Variants in ACBD6 observed in about 807,000 individuals in gnomAD.
ACBD6 encodes the protein acyl-CoA-binding domain-containing protein 6.
In ACBD6, 28 loss-of-function variants were observed where a neutral mutation model predicts 37.2. The observed-to-expected ratio is 0.75, with a 90% confidence interval of 0.56 to 1.03. The LOEUF (loss-of-function observed/expected upper bound fraction) is 1.03. Among genes scored for constraint, ACBD6 ranks in the 50% least tolerant of loss-of-function variants. The probability of loss-of-function intolerance (pLI) is 0.00; values close to 1 mark genes in which losing one functional copy is unlikely to be tolerated. For synonymous variants in ACBD6, 113 were observed against 126.8 expected, an observed-to-expected ratio of 0.89 and a Z score of 0.73; for missense variants, 340 against 337.4, an observed-to-expected ratio of 1.01 and a Z score of -0.06.
intron 3 of ACBD6, among the ~76,000 whole-genome samples, chr1:180,443,952 T>C (rs948818269): frequency 1.3e-5 from 2 of 152,050 alleles, no homozygotes; most frequent in Admixed American, 6.5e-5. Flanking sequence ...TTTACACTAC[T>C]TATAATACAA....
At chr1:180,487,290 T>C (rs59371134) in intron 3 of ACBD6, among the ~76,000 whole-genome samples, 15,129 of 152,148 alleles carry the variant, frequency 0.099, 1,057 homozygotes, top group African/African-American at 0.18. Context: ...CTTTCCACCA[T>C]TGCAGTTACC....
chr1:180,297,259 G>A (rs1026056157), intron 7 of ACBD6, among the ~76,000 whole-genome samples: 2 of 152,148 alleles, frequency 1.3e-5, no homozygotes, highest in African/African-American at 4.8e-5. Context: ...AAACCAGGTT[G>A]TGATAGGTAC....
chr1:180,386,555 CA>C (rs1172272428), intron 6 of ACBD6, among the ~76,000 whole-genome samples: 1 of 151,980 alleles, frequency 6.6e-6, no homozygotes, highest in East Asian at 1.9e-4. Context: ...ACTCTGATGA[CA>C]AAAAAAGTTA....
intron 6 of ACBD6, among the ~76,000 whole-genome samples, chr1:180,382,129 A>C (rs1442590857): frequency 6.8e-6 from 1 of 147,466 alleles, no homozygotes; most frequent in African/African-American, 2.5e-5. Context: ...AAAAAAAAAA[A>C]GAAAAGAAAA....
At chr1:180,393,998 G>A (rs900247392) in intron 6 of ACBD6, among the ~76,000 whole-genome samples, 3 of 152,186 alleles carry the variant, frequency 2.0e-5, no homozygotes, top group Non-Finnish European at 2.9e-5. Flanking sequence ...CAAATAGAAC[G>A]TAAGAAATCC....
chr1:180,399,165 A>G (rs1647241384), intron 5 of ACBD6, among the ~76,000 whole-genome samples: 1 of 152,224 alleles, frequency 6.6e-6, no homozygotes, highest in African/African-American at 2.4e-5. Flanking sequence ...GAGGGGGGAA[A>G]GCAGAGAAAA....
intron 10 of ACBD6, chr1:180,274,442 C>T: frequency 1.2e-6 from 2 of 1,614,224 alleles, no homozygotes; most frequent in Non-Finnish European, 1.7e-6. Flanking sequence ...GCATGCAGGG[C>T]AGGGAGTAAG....
At chr1:180,465,729 T>G (rs549550855) in intron 3 of ACBD6, among the ~76,000 whole-genome samples, 1 of 152,308 alleles carries the variant, frequency 6.6e-6, no homozygotes, top group South Asian at 2.1e-4. Flanking sequence ...ACTGCAGCAC[T>G]GTTCATAATA....
At chr1:180,369,148 G>C (rs922694508) in intron 6 of ACBD6, among the ~76,000 whole-genome samples, 10 of 152,196 alleles carry the variant, frequency 6.6e-5, no homozygotes, top group Non-Finnish European at 1.3e-4. Flanking sequence ...TGGTAGGCAG[G>C]CCTCCCCCAA....
intron 6 of ACBD6, among the ~76,000 whole-genome samples, chr1:180,390,072 T>C (rs979022018): frequency 1.7e-3 from 264 of 152,226 alleles, no homozygotes; most frequent in Non-Finnish European, 3.0e-3. Flanking sequence ...CATGAAGTTC[T>C]TGCCCATGCC....
chr1:180,397,623 A>T lies in ACBD6; in HGVS notation c.574-18T>A. 6.3e-7 allele frequency: 1 copy of T among 1,593,808 alleles called. No individual in the cohort carries two copies. Among genetic ancestry groups the T allele is most frequent in the Non-Finnish European group, 8.6e-7 (1 of 1,161,398 alleles). On this transcript the variant is annotated intron_variant, in intron 5 of 7. Transcript: ENST00000367595. ...GCCCTACCCTAAAAACACAGAAGAT[A>T]AATGAATTTGTTATCTCAGTTGTGG...
intron 6 of ACBD6, among the ~76,000 whole-genome samples, chr1:180,359,068 A>G (rs1394834111): frequency 6.6e-6 from 1 of 152,242 alleles, no homozygotes; most frequent in Admixed American, 6.5e-5. Flanking sequence ...CAGGGCTCCA[A>G]GGACTCTAGG....
intron 6 of ACBD6, among the ~76,000 whole-genome samples, chr1:180,374,941 T>C (rs951612783): frequency 4.6e-5 from 7 of 152,080 alleles, no homozygotes; most frequent in Non-Finnish European, 1.0e-4. Context: ...AATGTAAAAC[T>C]CCTGAAAGAT....
chr1:180,297,503 G>C (rs891128633), intron 7 of ACBD6, among the ~76,000 whole-genome samples: 6 of 152,132 alleles, frequency 3.9e-5, no homozygotes, highest in South Asian at 2.1e-4. Flanking sequence ...ATGGAGAATA[G>C]GAGAAAACAT....
At chr1:180,365,946 C>T (rs1250152614) in intron 6 of ACBD6, among the ~76,000 whole-genome samples, 1 of 152,038 alleles carries the variant, frequency 6.6e-6, no homozygotes, top group Non-Finnish European at 1.5e-5. Flanking sequence ...CTAGAACTTA[C>T]TCTGTTTACT....
chr1:180,492,444 G>C, intron 2 of ACBD6, 79 bp from the exon 3 acceptor site: 3 of 1,081,122 alleles, frequency 2.8e-6, no homozygotes, highest in Non-Finnish European at 4.3e-6. Context: ...TAAAAAAACT[G>C]TATGCACATT....
At chr1:180,372,085 AAC>A (rs1490366481) in intron 6 of ACBD6, among the ~76,000 whole-genome samples, 1 of 152,128 alleles carries the variant, frequency 6.6e-6, no homozygotes, top group Non-Finnish European at 1.5e-5. Flanking sequence ...ATGATGGATA[AAC>A]AACAATATAC....
chr1:180,415,705 G>A (rs900092727), intron 4 of ACBD6, among the ~76,000 whole-genome samples: 5 of 152,208 alleles, frequency 3.3e-5, no homozygotes, highest in East Asian at 3.8e-4. Flanking sequence ...ATATGTAAGC[G>A]TTATTCACAG....
chr1:180,312,831 CT>C lies in ACBD6; in HGVS notation c.694+1860del, dbSNP rs376453736. Among the ~76,000 whole-genome samples the C allele has an allele frequency of 2.0e-3, 308 of 152,284 alleles. 1 individual carries two copies. The highest frequency in any genetic ancestry group is 6.7e-3 in the African/African-American group (278 of 41,562). On this transcript the variant is annotated intron_variant, in intron 7 of 7. Coordinates refer to ENST00000367595, the MANE Select transcript of ACBD6 (RefSeq NM_032360.4). ...CACAGATTAACTCATTATAACAAAT[CT>C]CTGAAGTTACTATCCCTATTTCATC...
Sources: gnomAD v4.1 joint callset for allele counts (sites outside exome capture counted in the v4.1 genomes callset) on GRCh38, gnomAD v4.1.1 for gene constraint, MANE v1.5 for transcripts, NCBI Gene and HGNC (gene_info 2026-07-23, HGNC 2026-07-21) for gene names.